The following GLIS3 variants were observed in gnomAD, a reference collection of about 807,000 sequenced individuals.
GLIS3 encodes zinc finger protein GLIS3.
In GLIS3, 53 loss-of-function variants were observed where a neutral mutation model predicts 78.6. The observed-to-expected ratio is 0.67, with a 90% CI of 0.54 to 0.85. The LOEUF (loss-of-function observed/expected upper bound fraction) is 0.85, where lower values mean the gene tolerates loss of function less well. GLIS3 is among the 40% of genes least tolerant of loss of function. The pLI, the probability that GLIS3 is intolerant of heterozygous loss-of-function variation, is 0.00. For missense variants in GLIS3, 1,703 were observed against 1,231.1 expected, an observed-to-expected ratio of 1.38 and a Z score of -5.74; for synonymous variants, 684 against 509.9, an observed-to-expected ratio of 1.34 and a Z score of -4.60.
intron 2 of GLIS3, among the ~76,000 whole-genome samples, chr9:4,262,352 G>C (rs1323654517): frequency 6.6e-6 from 1 of 152,164 alleles, no homozygotes; most frequent in Non-Finnish European, 1.5e-5. Flanking sequence ...ACACTTGACA[G>C]AGTGCTGAGT....
At chr9:3,990,943 A>G (rs558423526) in intron 4 of GLIS3, among the ~76,000 whole-genome samples, 38 of 152,322 alleles carry the variant, frequency 2.5e-4, no homozygotes, top group African/African-American at 8.9e-4. Context: ...GTTCTTTGAA[A>G]TACGGAATGT....
rs936468743 is a variant in GLIS3 at position 4,006,912 on chromosome 9, G to A, written c.1711-69723C>T. Among the ~76,000 whole-genome samples the A allele has an allele frequency of 3.3e-5, 5 of 152,228 alleles. No individual in the cohort carries two copies. In the East Asian group the frequency reaches 9.6e-4, roughly 29 times the overall value. ...TACAAGGTGACAGATGTTTCATAAA[G>A]TCCTGGATGCAAGCTGTCTAGGGAA... On this transcript the variant is annotated intron_variant, in intron 4 of 10. Transcript: ENST00000381971.
At chr9:4,257,499 AAAAG>A (rs904996445) in intron 2 of GLIS3, among the ~76,000 whole-genome samples, 1 of 152,256 alleles carries the variant, frequency 6.6e-6, no homozygotes, top group East Asian at 1.9e-4. Context: ...AAAGCAAACC[AAAAG>A]AAAGAAAGGT....
chr9:4,044,295 A>T (rs12338170), intron 4 of GLIS3, among the ~76,000 whole-genome samples: 1 of 152,210 alleles, frequency 6.6e-6, no homozygotes, highest in Non-Finnish European at 1.5e-5. Context: ...GACATAAAGC[A>T]TTTATGCATA....
intron 6 of GLIS3, among the ~76,000 whole-genome samples, chr9:3,907,615 C>G (rs893890156): frequency 2.4e-5 from 2 of 82,408 alleles, no homozygotes; most frequent in African/African-American, 7.3e-5. Context: ...AACACACACA[C>G]ACACACACAG....
chr9:4,138,907 T>C (rs1272060283), intron 2 of GLIS3, among the ~76,000 whole-genome samples: 2 of 152,108 alleles, frequency 1.3e-5, no homozygotes, highest in African/African-American at 4.8e-5. Context: ...AGAGCTACAG[T>C]AGACTTGCAA....
At chr9:4,472,725 G>T in the GLIS3 span, among the ~76,000 whole-genome samples, 3 of 151,998 alleles carry the variant, frequency 2.0e-5, no homozygotes, top group Admixed American at 6.6e-5. Context: ...CCTGCACGTT[G>T]TGCACATGTA....
At chr9:3,864,903 G>A (rs893253595) in intron 8 of GLIS3, among the ~76,000 whole-genome samples, 3 of 152,178 alleles carry the variant, frequency 2.0e-5, no homozygotes, top group African/African-American at 7.2e-5. Context: ...TTGAACAAAT[G>A]TAGGTCATTG....
At chr9:4,201,681 T>C (rs983749839) in intron 2 of GLIS3, among the ~76,000 whole-genome samples, 4 of 151,610 alleles carry the variant, frequency 2.6e-5, no homozygotes, top group Non-Finnish European at 5.9e-5. Context: ...TGAAAAAAAA[T>C]CAGAGGTGAC....
intron 2 of GLIS3, among the ~76,000 whole-genome samples, chr9:4,336,620 G>A (rs111289029): frequency 2.0e-5 from 3 of 152,212 alleles, no homozygotes; most frequent in Non-Finnish European, 4.4e-5. Flanking sequence ...AACCAAGACT[G>A]CAAAACCAGT....
At chr9:3,837,208 T>C (rs1818406468) in intron 9 of GLIS3, among the ~76,000 whole-genome samples, 1 of 152,180 alleles carries the variant, frequency 6.6e-6, no homozygotes, top group Non-Finnish European at 1.5e-5. Flanking sequence ...TTCATACTAC[T>C]AACTAAGACG....
At chr9:4,080,566 T>G (rs909120168) in intron 4 of GLIS3, among the ~76,000 whole-genome samples, 6 of 152,212 alleles carry the variant, frequency 3.9e-5, no homozygotes, top group South Asian at 2.1e-4. Flanking sequence ...TTTAAAATTT[T>G]GATATTTTGT....
chr9:4,043,536 T>C (rs1315456475), intron 4 of GLIS3, among the ~76,000 whole-genome samples: 1 of 151,986 alleles, frequency 6.6e-6, no homozygotes, highest in Non-Finnish European at 1.5e-5. Flanking sequence ...TTAAATCATA[T>C]CCTAAAGAAG....
chr9:4,472,599 G>T, the GLIS3 span, among the ~76,000 whole-genome samples: 1 of 143,552 alleles, frequency 7.0e-6, no homozygotes, highest in Non-Finnish European at 1.5e-5. Context: ...ATACACGGGG[G>T]CCTGTCATGG....
chr9:3,971,791 C>A (rs1818401249), intron 4 of GLIS3, among the ~76,000 whole-genome samples: 1 of 152,154 alleles, frequency 6.6e-6, no homozygotes, highest in Admixed American at 6.5e-5. Flanking sequence ...TAAATCCTAC[C>A]ACACTTTAGA....
intron 4 of GLIS3, among the ~76,000 whole-genome samples, chr9:4,114,320 C>T (rs1265149158): frequency 2.6e-5 from 4 of 152,100 alleles, no homozygotes; most frequent in Non-Finnish European, 5.9e-5. Context: ...CTGTTGGAAC[C>T]ATTCACTATG....
chr9:4,441,885 G>A, the GLIS3 span, among the ~76,000 whole-genome samples: 8 of 152,274 alleles, frequency 5.3e-5, no homozygotes, highest in African/African-American at 1.7e-4. Flanking sequence ...CATTACAGGC[G>A]TGAGCCACCC....
intron 2 of GLIS3, among the ~76,000 whole-genome samples, chr9:4,319,031 T>TA (rs1314095042): frequency 7.2e-5 from 11 of 152,142 alleles, no homozygotes; most frequent in Non-Finnish European, 1.6e-4. Context: ...GGGCATTCTG[T>TA]AAAACAGCTG....
At chr9:4,199,730 T>C (rs752377847) in intron 2 of GLIS3, among the ~76,000 whole-genome samples, 34 of 152,132 alleles carry the variant, frequency 2.2e-4, no homozygotes, top group Admixed American at 5.2e-4. Flanking sequence ...ACACACCCAC[T>C]GACAGCATTA....
Sources: gnomAD v4.1 joint callset for allele counts (sites outside exome capture counted in the v4.1 genomes callset) on GRCh38, gnomAD v4.1.1 for gene constraint, MANE v1.5 for transcripts, NCBI Gene and HGNC (gene_info 2026-07-23, HGNC 2026-07-21) for gene names.